RNF13: variants seen among roughly 807,000 people sequenced by gnomAD.
RNF13 encodes the protein ring finger protein 13.
In RNF13, 19 loss-of-function variants were observed where a neutral mutation model predicts 37.7. That is an observed-to-expected ratio of 0.50 (90% confidence interval 0.35 to 0.74). The LOEUF is 0.74. RNF13 is among the 30% of genes least tolerant of loss of function. RNF13 has a pLI of 0.01. For synonymous variants in RNF13, 144 were observed against 157.8 expected (o/e 0.91, Z 0.65); for missense variants, 375 against 453.0 (o/e 0.83, Z 1.56).
chr3:149,947,486 C>T (rs940148372), intron 8 of RNF13, among the ~76,000 whole-genome samples: 18 of 151,902 alleles, frequency 1.2e-4, no homozygotes, highest in Non-Finnish European at 1.5e-5. Flanking sequence ...CTCACTGCAA[C>T]CTCCTGCCGC....
At chr3:149,816,601 A>G (rs1719483258) in intron 1 of RNF13, among the ~76,000 whole-genome samples, 1 of 152,144 alleles carries the variant, frequency 6.6e-6, no homozygotes, top group African/African-American at 2.4e-5. Flanking sequence ...AGTTCCACAT[A>G]AGGACACTGC....
At position 149,855,522 on chromosome 3, in the gene RNF13, AAAAT is replaced by A. The variant is rs977454718; in HGVS notation, c.195+2928_195+2931del. Among the ~76,000 whole-genome samples the A allele has an allele frequency of 1.1e-4, 16 of 151,050 alleles. No individual in the cohort carries two copies. The South Asian group carries it at 3.1e-3, about 29-fold the overall frequency. ...ATGTATTTTTACATTTATGCATTAA[AAAAT>A]ATATATGTATCTTTACATTTATATA... On this transcript the variant is annotated intron_variant, in intron 3 of 9. Transcript: ENST00000392894.
At chr3:149,815,638 A>G (rs756726986) in intron 1 of RNF13, among the ~76,000 whole-genome samples, 2 of 152,226 alleles carry the variant, frequency 1.3e-5, no homozygotes, top group African/African-American at 4.8e-5. Context: ...TCAAAAATGT[A>G]TGTATTCTAT....
At chr3:149,871,259 C>G (rs1344985426) in intron 3 of RNF13, among the ~76,000 whole-genome samples, 1 of 151,598 alleles carries the variant, frequency 6.6e-6, no homozygotes, top group Non-Finnish European at 1.5e-5. Context: ...CCAGGCTGGT[C>G]TTGAACTCCT....
At chr3:149,920,530 CT>C (rs1718012255) in intron 7 of RNF13, among the ~76,000 whole-genome samples, 1 of 152,112 alleles carries the variant, frequency 6.6e-6, no homozygotes, top group Non-Finnish European at 1.5e-5. Flanking sequence ...CAGAGAAGTT[CT>C]TAACTTTGAC....
chr3:149,931,091 TCTCA>T (rs1719119172), intron 8 of RNF13, among the ~76,000 whole-genome samples: 1 of 151,978 alleles, frequency 6.6e-6, no homozygotes, highest in Admixed American at 6.6e-5. Flanking sequence ...GGGGACAAGG[TCTCA>T]CTCTGTCATC....
chr3:149,902,689 A>C (rs1413458079), intron 6 of RNF13, among the ~76,000 whole-genome samples: 1 of 152,152 alleles, frequency 6.6e-6, no homozygotes, highest in East Asian at 1.9e-4. Flanking sequence ...ATACAGACTG[A>C]AATTAACTTA....
intron 4 of RNF13, among the ~76,000 whole-genome samples, chr3:149,884,276 C>T (rs529961116): frequency 1.5e-4 from 23 of 152,056 alleles, no homozygotes; most frequent in Admixed American, 4.6e-4. Flanking sequence ...TATTTTCAGG[C>T]TTGTTTTTAA....
At chr3:149,816,982 A>G (rs987879445) in intron 1 of RNF13, among the ~76,000 whole-genome samples, 1 of 152,212 alleles carries the variant, frequency 6.6e-6, no homozygotes, top group Non-Finnish European at 1.5e-5. Flanking sequence ...TGATGTTATT[A>G]ACAGAAATAA....
At chr3:149,932,353 G>A (rs79626064) in intron 8 of RNF13, among the ~76,000 whole-genome samples, 249 of 152,090 alleles carry the variant, frequency 1.6e-3, no homozygotes, top group Non-Finnish European at 3.0e-3. Flanking sequence ...TTCCTCTTGC[G>A]TAGTACAATA....
chr3:149,952,452 T>C (rs571878352), intron 8 of RNF13, among the ~76,000 whole-genome samples: 1 of 152,236 alleles, frequency 6.6e-6, no homozygotes, highest in African/African-American at 2.4e-5. Context: ...CCTTTATATG[T>C]AGGAAAAGAA....
chr3:149,882,596 T>A (rs1398558612), intron 4 of RNF13, among the ~76,000 whole-genome samples: 1 of 152,156 alleles, frequency 6.6e-6, no homozygotes, highest in Non-Finnish European at 1.5e-5. Flanking sequence ...TGAAAACAGA[T>A]CTTTTGTTAA....
intron 8 of RNF13, among the ~76,000 whole-genome samples, chr3:149,956,002 C>T (rs1721827580): frequency 6.6e-6 from 1 of 152,070 alleles, no homozygotes; most frequent in Non-Finnish European, 1.5e-5. Flanking sequence ...AACTTACTAT[C>T]ATATTTATTC....
chr3:149,880,661 T>C (rs1357174413), intron 4 of RNF13, among the ~76,000 whole-genome samples: 1 of 152,174 alleles, frequency 6.6e-6, no homozygotes, highest in Non-Finnish European at 1.5e-5. Flanking sequence ...AATTTTATGT[T>C]ATTCATTTTA....
In RNF13 at chr3:149,961,043, A is replaced by G. The variant is rs1576613108; in HGVS notation, c.1085A>G (p.Asp362Gly). The G allele has an allele frequency of 2.5e-6, 4 of 1,614,008 alleles. No homozygotes were observed. In the East Asian group the frequency reaches 6.7e-5, roughly 27 times the overall value. The change falls in exon 10 of 10, where the codon GAT becomes GGT. Residue 362 changes from aspartate (D) to glycine (G), a missense_variant. Transcript: ENST00000392894. ...GCAGAAAATGAAATTAATGAACATGATGTCGTGGTCCAGTTGCAGCCTAAT... is the reference window on the plus strand; with the variant it reads ...GCAGAAAATGAAATTAATGAACATGGTGTCGTGGTCCAGTTGCAGCCTAAT... The part of the protein sequence containing the change: ...SDAENEINEH[D>G]VVVQLQPNGE...
chr3:149,854,865 A>C (rs929369073), intron 3 of RNF13, among the ~76,000 whole-genome samples: 1 of 152,238 alleles, frequency 6.6e-6, no homozygotes, highest in East Asian at 1.9e-4. Flanking sequence ...TACTTGCTAC[A>C]TATTTTGGTG....
At chr3:149,867,235 C>T (rs566963786) in intron 3 of RNF13, among the ~76,000 whole-genome samples, 60 of 151,850 alleles carry the variant, frequency 4.0e-4, no homozygotes, top group Non-Finnish European at 5.3e-4. Context: ...GAATTGACCC[C>T]TTTATCATAT....
At chr3:149,931,978 T>G (rs1448073531) in intron 8 of RNF13, among the ~76,000 whole-genome samples, 1 of 152,206 alleles carries the variant, frequency 6.6e-6, no homozygotes, top group African/African-American at 2.4e-5. Context: ...CTTAGTATCA[T>G]GTCCTCTAGT....
At chr3:149,875,547 A>G (rs1330769695) in intron 4 of RNF13, among the ~76,000 whole-genome samples, 1 of 152,212 alleles carries the variant, frequency 6.6e-6, no homozygotes, top group Non-Finnish European at 1.5e-5. Context: ...ATAGCCACGA[A>G]GGCAGCAGAA....
Sources: allele counts gnomAD v4.1 joint callset (sites outside exome capture counted in the v4.1 genomes callset), GRCh38; gene constraint gnomAD v4.1.1; transcripts MANE v1.5; gene names NCBI Gene and HGNC (gene_info 2026-07-23, HGNC 2026-07-21).